The following TTN variants were observed in gnomAD, a reference collection of about 807,000 sequenced individuals.
The protein encoded by TTN is connectin.
A neutral mutation model predicts 3,223.0 loss-of-function variants in TTN; 1,525 were observed. That is an observed-to-expected ratio of 0.47 (90% CI 0.45 to 0.49). TTN has a LOEUF of 0.49. Ranked by LOEUF, TTN falls within the 20% of genes least tolerant of loss-of-function variation. TTN has a pLI of 0.00. For synonymous variants in TTN, 14,094 were observed against 15,161.0 expected (o/e 0.93, Z 5.17); for missense variants, 40,786 against 43,424.0 (o/e 0.94, Z 5.40).
rs777985762 is a variant in TTN at position 178,618,735 on chromosome 2, A to C, written c.46815T>G (p.Asn15605Lys). Residue 15605 changes from asparagine (N) to lysine (K), a missense_variant, in exon 251 of 363, where the codon AAT (asparagine) becomes AAG (lysine). Physicochemically the swap from Asn to Lys is moderately conservative, Grantham distance 94. Coordinates refer to ENST00000589042, the MANE Select transcript of TTN (RefSeq NM_001267550.2). ...CAATGGTTTTTGTAGATAAAGGTTC[A>C]TTTTCTTTAAACCATTCAGCTTCTG... The part of the protein sequence containing the change: ...PKAEAEWFKE[N>K]EPLSTKTIDT... 3 of 1,611,776 alleles carry C rather than the reference A, an allele frequency of 1.9e-6. No homozygotes were observed. Among genetic ancestry groups the C allele is most frequent in the African/African-American group, 1.3e-5 (1 of 74,774 alleles).
chr2:178,621,544 G>C lies in TTN; in HGVS notation c.45280C>G (p.Leu15094Val), dbSNP rs1281104886. The change falls in exon 245 of 363, where the codon CTT becomes GTT. Residue 15094 changes from leucine (L) to valine (V), a missense_variant. By Grantham distance (32) the Leu-to-Val change is conservative. Transcript: ENST00000589042. ...CAGTTGTAGTTGCCAGCATCCTCAA[G>C]GTGAGCGTTCTGAATGACCAGGATT... Reference protein sequence around the residue: ...KRILVIQNAHLEDAGNYNCRL... With the variant: ...KRILVIQNAHVEDAGNYNCRL... 6.2e-7 allele frequency: 1 copy of C among 1,612,324 alleles called. No individual in the cohort carries two copies. Among genetic ancestry groups the C allele is most frequent in the Non-Finnish European group, 8.5e-7 (1 of 1,179,096 alleles).
In TTN at chr2:178,790,020, G is replaced by A. The variant is rs375207928; in HGVS notation, c.1896C>T (p.Gly632=). The change falls in exon 12 of 363, where the codon GGC becomes GGT. Residue 632 remains glycine (G), a synonymous_variant. Coordinates refer to ENST00000589042, the MANE Select transcript of TTN (RefSeq NM_001267550.2). ...GCACTTGTTCTCTTTTGGTAGTAAT[G>A]CCTTCTCTACCTCTTGATACTAAAT... ...EQDLVSRGRE[G]ITTKREQVQI... 3 of 1,613,044 alleles carry A rather than the reference G, an allele frequency of 1.9e-6. No homozygotes were observed. The highest frequency in any genetic ancestry group is 2.7e-5 in the African/African-American group (2 of 74,884).
rs766197743 is a variant in TTN, at chr2:178,770,283, G to A, written c.8418C>T (p.Ala2806=). 2.4e-5 allele frequency: 39 copies of A among 1,614,036 alleles called. No individual in the cohort carries two copies. The highest frequency in any genetic ancestry group is 1.6e-4 in the Middle Eastern group (1 of 6,084). Residue 2806 remains alanine, a synonymous_variant, in exon 36 of 363, where the codon GCC becomes GCT. Coordinates refer to ENST00000589042, the MANE Select transcript of TTN (RefSeq NM_001267550.2). ...CAAAGGCAACAGTGGCATTTTCCAA[G>A]GCTGTCACATCCTTTGGCTTTTTAA... is the stretch of plus-strand genomic sequence containing the variant. ...KIIKKPKDVT[A]LENATVAFEV...
chr2:178,721,809 G>C (rs1442303862), intron 78 of TTN, 38 bp downstream of exon 78: 1 of 1,439,404 alleles, frequency 6.9e-7, no homozygotes, highest in African/African-American at 1.4e-5. Flanking sequence ...TGCAAATATG[G>C]TAAGGAACAA....
At chr2:178,697,481 G>T (rs753713220) in intron 112 of TTN, among the ~76,000 whole-genome samples, 11 of 152,162 alleles carry the variant, frequency 7.2e-5, no homozygotes, top group Non-Finnish European at 1.5e-5. Context: ...TAAGCATGAA[G>T]AGAATGTTTA....
chr2:178,628,534 A>G lies in TTN; in HGVS notation c.44424+767T>C, dbSNP rs553134990. Among the ~76,000 whole-genome samples the G allele has an allele frequency of 5.9e-5, 9 of 152,262 alleles. No individual in the cohort carries two copies. The South Asian group carries it at 1.9e-3, about 32-fold the overall frequency. Reference sequence around the variant, plus strand: ...TGTTGTTTCTGGGGACAAAACATATAGATCAATTTAGGCAAATTGTATTGT... The same window carrying G: ...TGTTGTTTCTGGGGACAAAACATATGGATCAATTTAGGCAAATTGTATTGT... On this transcript the variant is annotated intron_variant, in intron 240 of 362. Coordinates refer to ENST00000589042, the MANE Select transcript of TTN (RefSeq NM_001267550.2).
In TTN at chr2:178,573,140, C is replaced by T. The variant is rs755174224; in HGVS notation, c.72992G>A (p.Arg24331His). 2.5e-5 allele frequency: 40 copies of T among 1,613,118 alleles called. No individual in the cohort carries two copies. In the East Asian group the frequency reaches 5.6e-4, roughly 23 times the overall value. ...GGATGATCTGCTTGTATCCAGAACA[C>T]GTGGGTTACCTGGTGGTCCAGGTTT... The part of the protein sequence containing the change: ...VFKPGPPGNP[R>H]VLDTSRSSIS... Residue 24331 changes from arginine (R) to histidine (H), a missense_variant, in exon 326 of 363, where the codon CGT (arginine) becomes CAT (histidine). Transcript: ENST00000589042.
At position 178,738,102 on chromosome 2, in the gene TTN, G is replaced by A. The variant is rs376517129; in HGVS notation, c.14351C>T (p.Thr4784Ile). ...TTTACCTGTCACAGTTAGTGTGGCT[G>A]TACAGCTGACACTGCCATACTCATT... is the stretch of plus-strand genomic sequence containing the variant. ...ASNEYGSVSC[T>I]ATLTVTEAYP... The change falls in exon 49 of 363, where the codon ACA becomes ATA. Residue 4784 changes from threonine to isoleucine, a missense_variant. Coordinates refer to ENST00000589042, the MANE Select transcript of TTN (RefSeq NM_001267550.2). 3 of 1,613,404 alleles carry A rather than the reference G, an allele frequency of 1.9e-6. No individual in the cohort carries two copies. The highest frequency in any genetic ancestry group is 2.5e-6 in the Non-Finnish European group (3 of 1,179,580).
At chr2:178,647,573 G>A (rs1460707042) in intron 213 of TTN, 109 bp from the exon 214 acceptor site, 1 of 1,030,858 alleles carries the variant, frequency 9.7e-7, no homozygotes, top group East Asian at 2.6e-5. Flanking sequence ...GATTTCATGG[G>A]GAAAATGGCT....
intron 257 of TTN, 29 bp downstream of exon 257, chr2:178,616,450 G>A: frequency 6.2e-7 from 1 of 1,602,718 alleles, no homozygotes; most frequent in South Asian, 1.1e-5. Context: ...CTCATTTTTG[G>A]CATTGATGCA....
At chr2:178,786,985 T>C (rs2093230651) in intron 13 of TTN, among the ~76,000 whole-genome samples, 1 of 152,196 alleles carries the variant, frequency 6.6e-6, no homozygotes, top group Non-Finnish European at 1.5e-5. Flanking sequence ...GCAAACTAGC[T>C]GATGTGGCTT....
In TTN at chr2:178,574,065, C is replaced by A; in HGVS notation, c.72067G>T (p.Asp24023Tyr). Reference sequence around the variant, plus strand: ...ACCTTTATCTTTGGTGCCTCAACATCATCCCTGCAAGTGATAGCATCAGAT... The same window carrying A: ...ACCTTTATCTTTGGTGCCTCAACATAATCCCTGCAAGTGATAGCATCAGAT... Reference protein sequence around the residue: ...EPSDAITCRDDVEAPKIKVDV... With the variant: ...EPSDAITCRDYVEAPKIKVDV... The change falls in exon 326 of 363, where the codon GAT becomes TAT. Residue 24023 changes from aspartate to tyrosine, a missense_variant. Coordinates refer to ENST00000589042, the MANE Select transcript of TTN (RefSeq NM_001267550.2). The A allele has an allele frequency of 6.2e-7, 1 of 1,613,406 alleles. No individual in the cohort carries two copies. The highest frequency in any genetic ancestry group is 8.5e-7 in the Non-Finnish European group (1 of 1,179,516).
chr2:178,596,000 T>TC (rs1387373054), intron 294 of TTN, among the ~76,000 whole-genome samples, 191 bp from the exon 295 acceptor site: 1 of 147,662 alleles, frequency 6.8e-6, no homozygotes, highest in Non-Finnish European at 1.5e-5. Context: ...TTTTTTTTTT[T>TC]TTTTTTTGAG....
In TTN at chr2:178,588,877, T is replaced by C. The variant is rs748774963; in HGVS notation, c.62848A>G (p.Thr20950Ala). Reference protein sequence around the residue: ...AENKIGTGPPTESKPVIAKTK... With the variant: ...AENKIGTGPPAESKPVIAKTK... ...TTGGCTATGACTGGTTTACTTTCTG[T>C]TGGAGGCCCTGTGCCTATTTTATTT... The change falls in exon 304 of 363, where the codon ACA becomes GCA. Residue 20950 changes from threonine (T) to alanine (A), a missense_variant. Transcript: ENST00000589042. The C allele has an allele frequency of 6.2e-6, 10 of 1,613,288 alleles. No homozygotes were observed. In the East Asian group the frequency reaches 2.0e-4, roughly 32 times the overall value.
chr2:178,689,289 C>A lies in TTN; in HGVS notation c.32011+1G>T, dbSNP rs1471534246. 58 of 1,610,548 alleles carry A rather than the reference C, an allele frequency of 3.6e-5. No individual in the cohort carries two copies. The highest frequency in any genetic ancestry group is 4.9e-5 in the Non-Finnish European group (58 of 1,179,112). ...TTCTTGGGAAGATGGAGAAACAATA[C>A]CTTTTGGTGGTGGTGGAACTTCTTC... On this transcript the variant is annotated splice_donor_variant, in intron 124 of 362. Coordinates refer to ENST00000589042, the MANE Select transcript of TTN (RefSeq NM_001267550.2). LOFTEE classifies it high-confidence loss of function.
chr2:178,782,559 TTTC>T lies in TTN; in HGVS notation c.3141_3143del (p.Lys1048del). 1 of 1,614,014 alleles carries T rather than the reference TTTC, an allele frequency of 6.2e-7. No individual in the cohort carries two copies. Among genetic ancestry groups the T allele is most frequent in the Non-Finnish European group, 8.5e-7 (1 of 1,179,974 alleles). ...TTTACCGTTTCTCTTCTGTAGTAAA[TTTC>T]TCAGTCACGGCTGTGGTTTCCTTTT... On this transcript the variant is annotated inframe_deletion, in exon 19 of 363. Transcript: ENST00000589042.
In TTN at chr2:178,584,489, C is replaced by T. The variant is rs372661193; in HGVS notation, c.65062G>A (p.Gly21688Arg). The change falls in exon 311 of 363, where the codon GGG (glycine) becomes AGG (arginine). Residue 21688 changes from glycine to arginine, a missense_variant. Transcript: ENST00000589042. Reference sequence around the variant, plus strand: ...ATCAGATAACCAATAATGGGGCTCCCTCCATCACTATCTGGTCTGTCCCAA... The same window carrying T: ...ATCAGATAACCAATAATGGGGCTCCTTCCATCACTATCTGGTCTGTCCCAA... ...VAWDRPDSDG[G>R]SPIIGYLIER... 6 of 1,613,270 alleles carry T rather than the reference C, an allele frequency of 3.7e-6. No homozygotes were observed. In the Admixed American group the frequency reaches 1.0e-4, roughly 27 times the overall value.
chr2:178,681,806 AATCAAATAATTGAAATAAT>A, intron 135 of TTN, 68 bp from the exon 136 acceptor site: 1 of 1,325,472 alleles, frequency 7.5e-7, no homozygotes, highest in Non-Finnish European at 1.0e-6. Context: ...TCTTAAAAGG[AATCAAATAATTGAAATAAT>A]ATCTTTTATC....
chr2:178,562,273 T>G lies in TTN; in HGVS notation c.83859A>C (p.Pro27953=), dbSNP rs748480052. 1.9e-6 allele frequency: 3 copies of G among 1,613,492 alleles called. No individual in the cohort carries two copies. Among genetic ancestry groups the G allele is most frequent in the Non-Finnish European group, 2.5e-6 (3 of 1,179,662 alleles). ...TTATTTCAATATCCCTTGCAATTACTGGCACTCCAAGTTGTCTTGGATCAC... is the reference window on the plus strand; with the variant it reads ...TTATTTCAATATCCCTTGCAATTACGGGCACTCCAAGTTGTCTTGGATCAC... ...GRSDPRQLGV[P]VIARDIEIKP... Residue 27953 remains proline, a synonymous_variant, in exon 326 of 363, where the codon CCA becomes CCC. Transcript: ENST00000589042.
Sources: gnomAD v4.1 joint callset for allele counts (sites outside exome capture counted in the v4.1 genomes callset) on GRCh38, gnomAD v4.1.1 for gene constraint, MANE v1.5 for transcripts, NCBI Gene and HGNC (gene_info 2026-07-23, HGNC 2026-07-21) for gene names.